The following ADARB1 variants were observed in gnomAD, a reference collection of about 807,000 sequenced individuals.
The protein encoded by ADARB1 is double-stranded RNA-specific editase 1.
ADARB1 carries 10 observed loss-of-function variants against 52.4 expected under a neutral mutation model. The observed-to-expected ratio is 0.19, with a 90% confidence interval of 0.12 to 0.32. The LOEUF is 0.32. Among genes scored for constraint, ADARB1 ranks in the 10% least tolerant of loss-of-function variants. ADARB1 has a pLI of 1.00. For synonymous variants in ADARB1, 349 were observed against 371.1 expected (o/e 0.94, Z 0.68); for missense variants, 643 against 922.3 (o/e 0.70, Z 3.92).
At chr21:45,110,304 G>A (rs1349031397) in intron 1 of ADARB1, among the ~76,000 whole-genome samples, 1 of 152,126 alleles carries the variant, frequency 6.6e-6, no homozygotes, top group East Asian at 1.9e-4. Flanking sequence ...ATGTTCATCT[G>A]TTTATTCTAT....
In ADARB1 at chr21:45,221,073, C is replaced by G; in HGVS notation, c.1926+59C>G. The G allele has an allele frequency of 6.6e-7, 1 of 1,514,692 alleles. No homozygotes were observed. The highest frequency in any genetic ancestry group is 1.2e-5 in the South Asian group (1 of 83,374). The allele number at this position is 1,514,692 out of a possible 1,614,324, so 93.8% of individuals were successfully genotyped here. ...CCACCTCCCCAATAGCTTGTCTGTC[C>G]TCACACCTACTGTTCCTTAAGTTGT... On this transcript the variant is annotated intron_variant, in intron 10 of 10. Coordinates refer to ENST00000348831, the MANE Select transcript of ADARB1 (RefSeq NM_001112.4). The surrounding 1 kb of genome is among the most constrained non-coding windows in gnomAD (Gnocchi z 4.9).
chr21:45,114,545 A>G (rs139646346), intron 1 of ADARB1, among the ~76,000 whole-genome samples: 2 of 152,316 alleles, frequency 1.3e-5, no homozygotes, highest in African/African-American at 4.8e-5. Flanking sequence ...GTCCGACTAT[A>G]CTGAAACAAA....
rs984584668 is a variant in ADARB1 at position 45,128,127 on chromosome 21, G to C, written c.-219-275G>C. 3.9e-5 allele frequency among the ~76,000 whole-genome samples: 6 copies of C among 152,228 alleles called. No individual in the cohort carries two copies. Among genetic ancestry groups the C allele is most frequent in the Non-Finnish European group, 2.9e-5 (2 of 68,036 alleles). On this transcript the variant is annotated intron_variant, in intron 1 of 10. Coordinates refer to ENST00000348831, the MANE Select transcript of ADARB1 (RefSeq NM_001112.4). The surrounding 1 kb of genome is among the most constrained non-coding windows in gnomAD (Gnocchi z 4.6). ...GACTCCAGTCCTCAGTGTGTGGCCT[G>C]GTGCCGCTGATGCCGAGATGTTGGG...
Position 45,175,781 on chromosome 21 carries a change from C to T in ADARB1, c.80C>T (p.Pro27Leu), listed in dbSNP as rs749956447. 3.7e-6 allele frequency: 6 copies of T among 1,614,042 alleles called. No individual in the cohort carries two copies. The African/African-American group carries it at 6.7e-5, about 18-fold the overall frequency. The change falls in exon 4 of 11, where the codon CCC becomes CTC. Residue 27 changes from proline (P) to leucine (L), a missense_variant. By Grantham distance (98) the Pro-to-Leu change is moderately conservative. Around this residue, in one of 2 missense-constraint regions of ADARB1, gnomAD observed 380 missense variants for 446.5 expected, o/e 0.85. Coordinates refer to ENST00000348831, the MANE Select transcript of ADARB1 (RefSeq NM_001112.4). ...AACCGCAATCTGGACAACGTGTCCC[C>T]CAAGGATGGCAGCACACCTGGGCCT... ...KENRNLDNVS[P>L]KDGSTPGPGE...
At position 45,224,141 on chromosome 21, in the gene ADARB1, A is replaced by C; in HGVS notation, c.*1944A>C. The C allele has an allele frequency of 1.0e-6, 1 of 985,392 alleles. No individual in the cohort carries two copies. Among genetic ancestry groups the C allele is most frequent in the Non-Finnish European group, 1.2e-6 (1 of 829,950 alleles). 61.0% of individuals were successfully genotyped at this position (985,392 alleles called of 1,614,324 possible). ...TCTGTGCATTTTTATTGTCTTGATA[A>C]ATTGTATTTTTTTCTAATGGGGATT... On this transcript the variant is annotated 3_prime_UTR_variant, in exon 11 of 11. Transcript: ENST00000348831.
At chr21:45,188,698 G>C (rs967694339) in intron 8 of ADARB1, among the ~76,000 whole-genome samples, 2 of 151,926 alleles carry the variant, frequency 1.3e-5, no homozygotes, top group Non-Finnish European at 2.9e-5. Flanking sequence ...CACTGATAGG[G>C]AAGACTTACT....
intron 1 of ADARB1, among the ~76,000 whole-genome samples, chr21:45,077,998 CT>C (rs2086012256): frequency 1.3e-5 from 2 of 152,146 alleles, no homozygotes; most frequent in South Asian, 4.1e-4. Flanking sequence ...CAGAGTTTTG[CT>C]TCATCCATAG....
intron 1 of ADARB1, among the ~76,000 whole-genome samples, chr21:45,096,921 A>G (rs993660513): frequency 6.6e-6 from 1 of 152,106 alleles, no homozygotes; most frequent in Non-Finnish European, 1.5e-5. Flanking sequence ...TTGTATTTTT[A>G]GTAGAGACGG....
rs1380525130 is a variant in ADARB1, at chr21:45,224,706, C to G, written c.*2509C>G. 1 of 972,130 alleles carries G rather than the reference C, an allele frequency of 1.0e-6. No individual in the cohort carries two copies. Among genetic ancestry groups the G allele is most frequent in the Non-Finnish European group, 1.2e-6 (1 of 819,394 alleles). 60.2% of individuals were successfully genotyped at this position (972,130 alleles called of 1,614,324 possible). A position where few individuals can be genotyped will look rare whatever the true frequency, so the allele number is the denominator to read the frequency against. The stretch of plus-strand genomic sequence containing the variant: ...GGCAGGGGGCGGCTGTAGGAAGGAA[C>G]TGGTTTCGGGGAGCCCTGGGCGGGG... On this transcript the variant is annotated 3_prime_UTR_variant, in exon 11 of 11. Coordinates refer to ENST00000348831, the MANE Select transcript of ADARB1 (RefSeq NM_001112.4).
At position 45,208,729 on chromosome 21, in the gene ADARB1, AGT is replaced by A. The variant is rs369586520; in HGVS notation, c.1747+4008_1747+4009del. Reference sequence around the variant, plus strand: ...GCTCACATGAGTGTATGAGAGAGAGAGTGTGTGTGTGTGTGTATGCGTATTCT... The same window carrying A: ...GCTCACATGAGTGTATGAGAGAGAGAGTGTGTGTGTGTGTATGCGTATTCT... On this transcript the variant is annotated intron_variant, in intron 9 of 10. Transcript: ENST00000348831. This position sits in a 1 kb window ranked among gnomAD's most constrained non-coding sequence, Gnocchi z 5.6. Among the ~76,000 whole-genome samples the A allele has an allele frequency of 4.7e-5, 7 of 149,386 alleles. No homozygotes were observed. In the East Asian group the frequency reaches 5.9e-4, roughly 13 times the overall value.
At chr21:45,210,298 G>C (rs1016612585) in intron 9 of ADARB1, among the ~76,000 whole-genome samples, 1 of 152,186 alleles carries the variant, frequency 6.6e-6, no homozygotes, top group Non-Finnish European at 1.5e-5. Flanking sequence ...GTTGGAATTG[G>C]ATGGACACTG....
intron 2 of ADARB1, among the ~76,000 whole-genome samples, chr21:45,139,668 CG>C (rs1306295961): frequency 6.6e-6 from 1 of 152,170 alleles, no homozygotes; most frequent in African/African-American, 2.4e-5. Flanking sequence ...CGCGTGCGCC[CG>C]TGGGCCCTGA....
rs1404354658 is a variant in ADARB1, at chr21:45,208,679, A to AGTGTGTGTGCAT, written c.1747+3955_1747+3966dup. 6.6e-6 allele frequency among the ~76,000 whole-genome samples: 1 copy of AGTGTGTGTGCAT among 150,860 alleles called. No individual in the cohort carries two copies. The highest frequency in any genetic ancestry group is 2.1e-4 in the South Asian group (1 of 4,764). ...GTGTGCATGAGTGCGTGTGTGTATG[A>AGTGTGTGTGCAT]GTGTGTGTGCATGTGTGTGTGCACG... On this transcript the variant is annotated intron_variant, in intron 9 of 10. Transcript: ENST00000348831. This position sits in a 1 kb window ranked among gnomAD's most constrained non-coding sequence, Gnocchi z 5.6.
intron 8 of ADARB1, among the ~76,000 whole-genome samples, chr21:45,199,762 G>A (rs2092509106): frequency 6.6e-6 from 1 of 152,216 alleles, no homozygotes; most frequent in Non-Finnish European, 1.5e-5. Flanking sequence ...ATTGGGAAGA[G>A]ATTTCTGATG....
At chr21:45,135,728 T>C (rs1226959854) in intron 2 of ADARB1, among the ~76,000 whole-genome samples, 1 of 152,092 alleles carries the variant, frequency 6.6e-6, no homozygotes, top group African/African-American at 2.4e-5. Flanking sequence ...CATTTCGAAA[T>C]GTATTAGAAA....
chr21:45,139,240 C>T (rs935997580), intron 2 of ADARB1, among the ~76,000 whole-genome samples: 8 of 152,116 alleles, frequency 5.3e-5, no homozygotes, highest in African/African-American at 1.9e-4. Flanking sequence ...TTCTGTGTTA[C>T]CAAAGTAGAA....
intron 2 of ADARB1, among the ~76,000 whole-genome samples, chr21:45,154,278 A>G (rs2090445325): frequency 6.6e-6 from 1 of 152,198 alleles, no homozygotes; most frequent in African/African-American, 2.4e-5. Flanking sequence ...TATGTGAGTA[A>G]GTTCATTGTG....
intron 1 of ADARB1, among the ~76,000 whole-genome samples, chr21:45,121,662 T>G (rs763126917): frequency 6.6e-5 from 10 of 152,176 alleles, no homozygotes; most frequent in African/African-American, 1.9e-4. Flanking sequence ...TTGGCCATTT[T>G]CTCTTTAACT....
intron 4 of ADARB1, among the ~76,000 whole-genome samples, chr21:45,179,200 C>T (rs748529684): frequency 8.5e-5 from 13 of 152,184 alleles, no homozygotes; most frequent in African/African-American, 1.4e-4. Context: ...TTGCAGATGC[C>T]GCTGCCTGCG....
Sources: gnomAD v4.1 joint callset for allele counts (sites outside exome capture counted in the v4.1 genomes callset) on GRCh38, gnomAD v4.1.1 for gene constraint, gnomAD v4.1.1 regional missense constraint, Gnocchi (gnomAD v3.1) non-coding constraint, MANE v1.5 for transcripts, NCBI Gene and HGNC (gene_info 2026-07-23, HGNC 2026-07-21) for gene names.